Variants in PAX5 observed in about 807,000 individuals in gnomAD.
The protein encoded by PAX5 is paired box protein Pax-5.
PAX5 carries 9 observed loss-of-function variants against 43.7 expected under a neutral mutation model. That is an observed-to-expected ratio of 0.21 (90% CI 0.12 to 0.36). The LOEUF (loss-of-function observed/expected upper bound fraction) is 0.36, where lower values mean the gene tolerates loss of function less well. PAX5 is among the 10% of genes least tolerant of loss of function. The pLI, the probability that PAX5 is intolerant of heterozygous loss-of-function variation, is 1.00. For missense variants in PAX5, 383 were observed against 532.7 expected (o/e 0.72, Z 2.77); for synonymous variants, 228 against 214.3 (o/e 1.06, Z -0.56).
chr9:37,025,459 GGCTCCTAGCCCGGGAGCA>G, intron 1 of PAX5, among the ~76,000 whole-genome samples: 1 of 152,196 alleles, frequency 6.6e-6, no homozygotes, highest in Non-Finnish European at 1.5e-5. Flanking sequence ...GCATGGGGAC[GGCTCCTAGCCCGGGAGCA>G]ACTCCCTGAC....
At chr9:37,002,537 T>C (rs1837978492) in intron 5 of PAX5, 111 bp downstream of exon 5, 1 of 1,190,850 alleles carries the variant, frequency 8.4e-7, no homozygotes, top group East Asian at 2.5e-5. Context: ...GACTCGCTCC[T>C]CTGCAGGTAA....
intron 6 of PAX5, among the ~76,000 whole-genome samples, chr9:36,955,871 C>T (rs58292289): frequency 2.6e-5 from 4 of 151,432 alleles, no homozygotes; most frequent in South Asian, 2.1e-4. Flanking sequence ...ATAGGAGAGC[C>T]TACAATAGCT....
At chr9:36,892,598 T>C (rs575800948) in intron 7 of PAX5, among the ~76,000 whole-genome samples, 2 of 152,294 alleles carry the variant, frequency 1.3e-5, no homozygotes, top group South Asian at 4.1e-4. Flanking sequence ...ATTGTTTCAG[T>C]AGGTGAATCA....
At chr9:36,872,670 TCA>T (rs1436864109) in intron 8 of PAX5, among the ~76,000 whole-genome samples, 1 of 152,160 alleles carries the variant, frequency 6.6e-6, no homozygotes, top group Non-Finnish European at 1.5e-5. Context: ...CATGTGTGTA[TCA>T]GTTTCTCCTC....
At chr9:37,020,005 A>T (rs1298193229) in intron 2 of PAX5, among the ~76,000 whole-genome samples, 1 of 152,110 alleles carries the variant, frequency 6.6e-6, no homozygotes, top group Non-Finnish European at 1.5e-5. Flanking sequence ...GCACGGTCCT[A>T]TGGGAGAAGC....
chr9:36,981,501 C>T (rs1835947172), intron 5 of PAX5, among the ~76,000 whole-genome samples: 1 of 150,876 alleles, frequency 6.6e-6, no homozygotes, highest in Non-Finnish European at 1.5e-5. Flanking sequence ...TGACCTCCTA[C>T]TGGGAAATAG....
At chr9:36,941,057 G>A (rs1363630777) in intron 6 of PAX5, among the ~76,000 whole-genome samples, 2 of 152,154 alleles carry the variant, frequency 1.3e-5, no homozygotes, top group Non-Finnish European at 2.9e-5. Context: ...CCCAGTAAAC[G>A]CTAAACCATA....
intron 5 of PAX5, among the ~76,000 whole-genome samples, chr9:36,989,697 G>T (rs773841210): frequency 2.6e-5 from 4 of 152,190 alleles, no homozygotes; most frequent in Non-Finnish European, 5.9e-5. Context: ...GCTGTCACAA[G>T]ATCCTGGAGG....
At chr9:36,987,204 C>T (rs1274298515) in intron 5 of PAX5, among the ~76,000 whole-genome samples, 1 of 152,196 alleles carries the variant, frequency 6.6e-6, no homozygotes, top group Non-Finnish European at 1.5e-5. Flanking sequence ...GAAAGGGAAA[C>T]GGAAAACGGC....
At chr9:36,939,610 C>T (rs1335691830) in intron 6 of PAX5, among the ~76,000 whole-genome samples, 4 of 152,124 alleles carry the variant, frequency 2.6e-5, no homozygotes, top group African/African-American at 7.2e-5. Context: ...ATGTAAATGT[C>T]GGAAAATAGC....
At chr9:36,996,903 G>C (rs1046880919) in intron 5 of PAX5, among the ~76,000 whole-genome samples, 1 of 152,208 alleles carries the variant, frequency 6.6e-6, no homozygotes, top group Non-Finnish European at 1.5e-5. Flanking sequence ...GAGGGAGAGA[G>C]AGAGTGTGTG....
chr9:36,885,342 C>T (rs1826819964), intron 7 of PAX5, among the ~76,000 whole-genome samples: 1 of 152,190 alleles, frequency 6.6e-6, no homozygotes, highest in Admixed American at 6.5e-5. Context: ...TGCCCAGGCT[C>T]ACACCCTTGA....
In PAX5 at chr9:36,941,051, G is replaced by A. The variant is rs147955473; in HGVS notation, c.781-17567C>T. 4.5e-3 allele frequency among the ~76,000 whole-genome samples: 690 copies of A among 152,338 alleles called. 3 individuals are homozygous for A. The highest frequency in any genetic ancestry group is 7.2e-3 in the Non-Finnish European group (490 of 68,032). On this transcript the variant is annotated intron_variant, in intron 6 of 9. Coordinates refer to ENST00000358127, the MANE Select transcript of PAX5 (RefSeq NM_016734.3). ...GTGAGCAACAGAGTGAAAATGCCCA[G>A]TAAACGCTAAACCATATTGGAAGGC...
intron 5 of PAX5, among the ~76,000 whole-genome samples, chr9:36,996,522 A>T (rs1340962932): frequency 6.6e-6 from 1 of 152,232 alleles, no homozygotes; most frequent in East Asian, 1.9e-4. Flanking sequence ...TGACTCAGGA[A>T]TCCTGAGCTT....
chr9:36,885,268 G>C, intron 7 of PAX5, among the ~76,000 whole-genome samples: 1 of 152,236 alleles, frequency 6.6e-6, no homozygotes, highest in East Asian at 1.9e-4. Flanking sequence ...GGGAGGTCTC[G>C]GGGAGGCTGC....
In PAX5 at chr9:36,840,281, G is replaced by A. The variant is rs906957039; in HGVS notation, c.*279C>T. 1.6e-5 allele frequency: 9 copies of A among 552,376 alleles called. No individual in the cohort carries two copies. The highest frequency in any genetic ancestry group is 2.9e-5 in the Non-Finnish European group (9 of 310,424). The allele number at this position is 552,376 out of a possible 1,614,324, so 34.2% of individuals were successfully genotyped here. ...AGGACAGGCAGGCTGGGCTGGGGCT[G>A]CGGTTATTTGCAGGACAGTCTATTG... On this transcript the variant is annotated 3_prime_UTR_variant, in exon 10 of 10. Transcript: ENST00000358127.
At chr9:36,990,513 C>A (rs1836838632) in intron 5 of PAX5, among the ~76,000 whole-genome samples, 1 of 152,116 alleles carries the variant, frequency 6.6e-6, no homozygotes, top group Non-Finnish European at 1.5e-5. Context: ...AGTCATTGAT[C>A]AGAATTTTCT....
chr9:36,932,115 A>C (rs1409263709), intron 6 of PAX5, among the ~76,000 whole-genome samples: 2 of 152,118 alleles, frequency 1.3e-5, no homozygotes, highest in African/African-American at 4.8e-5. Flanking sequence ...TCTCCACAAA[A>C]AAATTAAAAA....
chr9:36,854,053 T>A (rs1038388900), intron 8 of PAX5, among the ~76,000 whole-genome samples: 1 of 152,260 alleles, frequency 6.6e-6, no homozygotes, highest in African/African-American at 2.4e-5. Flanking sequence ...TCTTTCAAAG[T>A]GACTTCGCAG....
Sources: gnomAD v4.1 joint callset for allele counts (sites outside exome capture counted in the v4.1 genomes callset) on GRCh38, gnomAD v4.1.1 for gene constraint, MANE v1.5 for transcripts, NCBI Gene and HGNC (gene_info 2026-07-23, HGNC 2026-07-21) for gene names.